Variants in DAPP1 observed in about 807,000 individuals in gnomAD.
The protein encoded by DAPP1 is dual adapter for phosphotyrosine and 3-phosphotyrosine and 3-phosphoinositide.
A neutral mutation model predicts 41.5 loss-of-function variants in DAPP1; 20 were observed. The ratio of observed to expected loss-of-function variants is 0.48; its 90% CI spans 0.34 to 0.70. The LOEUF is 0.70. Among genes scored for constraint, DAPP1 ranks in the 30% least tolerant of loss-of-function variants. The probability of loss-of-function intolerance (pLI) is 0.01; values close to 1 mark genes in which losing one functional copy is unlikely to be tolerated. For synonymous variants in DAPP1, 113 were observed against 116.2 expected (o/e 0.97, Z 0.18); for missense variants, 233 against 333.4 (o/e 0.70, Z 2.35).
chr4:99,827,532 C>CA lies in DAPP1; in HGVS notation c.102-8081dup, dbSNP rs1400029314. Among the ~76,000 whole-genome samples the CA allele has an allele frequency of 9.0e-4, 107 of 118,902 alleles. 5 individuals are homozygous for CA. Among genetic ancestry groups the CA allele is most frequent in the Middle Eastern group, 4.3e-3 (1 of 232 alleles). 78.0% of individuals were successfully genotyped at this position (118,902 alleles called of 152,430 possible). On this transcript the variant is annotated intron_variant, in intron 1 of 8. Coordinates refer to ENST00000512369, the MANE Select transcript of DAPP1 (RefSeq NM_014395.3). ...TGGGCAACAGAGTCAGACTACGTCT[C>CA]AAAAAAAAAACAACAAAAAAACAAA...
At chr4:99,861,646 T>C (rs1724240884) in intron 5 of DAPP1, 21 bp downstream of exon 5, 9 of 1,564,168 alleles carry the variant, frequency 5.8e-6, no homozygotes, top group Non-Finnish European at 4.3e-6. Context: ...GTGGTTTTGC[T>C]CATGCCAGCC....
chr4:99,827,815 G>A (rs1288388164), intron 1 of DAPP1, among the ~76,000 whole-genome samples: 3 of 152,168 alleles, frequency 2.0e-5, no homozygotes, highest in African/African-American at 4.8e-5. Flanking sequence ...TTCTTTGGGT[G>A]ATAAGGTCCC....
intron 1 of DAPP1, 68 bp downstream of exon 1, chr4:99,817,082 G>C: frequency 1.7e-6 from 2 of 1,204,638 alleles, no homozygotes; most frequent in African/African-American, 3.0e-5. Flanking sequence ...CCACCTGCAT[G>C]CTTTGATTAA....
intron 8 of DAPP1, among the ~76,000 whole-genome samples, 153 bp from the exon 9 acceptor site, chr4:99,867,964 T>G (rs962610002): frequency 6.6e-6 from 1 of 152,226 alleles, no homozygotes; most frequent in Non-Finnish European, 1.5e-5. Context: ...GGACACATGA[T>G]AATTAGCTTA....
chr4:99,861,902 A>T (rs182088819), intron 5 of DAPP1, among the ~76,000 whole-genome samples: 16 of 152,336 alleles, frequency 1.1e-4, no homozygotes, highest in Middle Eastern at 3.4e-3. Context: ...TTGAGGATGA[A>T]GATAGCAAGT....
chr4:99,849,592 C>T lies in DAPP1; in HGVS notation c.359-3626C>T, dbSNP rs1192636514. 4.6e-5 allele frequency among the ~76,000 whole-genome samples: 7 copies of T among 152,152 alleles called. No individual in the cohort carries two copies. The East Asian group carries it at 7.7e-4, about 17-fold the overall frequency. ...CAGCCCAGAGATCCTTACCCTGCAGCGCAACTGGCCCCGGTGGCTATTTCT... is the reference window on the plus strand; with the variant it reads ...CAGCCCAGAGATCCTTACCCTGCAGTGCAACTGGCCCCGGTGGCTATTTCT... On this transcript the variant is annotated intron_variant, in intron 3 of 8. Coordinates refer to ENST00000512369, the MANE Select transcript of DAPP1 (RefSeq NM_014395.3).
intron 3 of DAPP1, among the ~76,000 whole-genome samples, chr4:99,841,704 G>A (rs917376776): frequency 6.6e-6 from 1 of 152,154 alleles, no homozygotes; most frequent in Non-Finnish European, 1.5e-5. Context: ...CCATGTAGAG[G>A]AGATTTTTAA....
At chr4:99,850,755 A>G (rs1416866549) in intron 3 of DAPP1, among the ~76,000 whole-genome samples, 1 of 152,218 alleles carries the variant, frequency 6.6e-6, no homozygotes, top group Non-Finnish European at 1.5e-5. Flanking sequence ...GTCTTTTTTA[A>G]GATTTCAAAA....
intron 3 of DAPP1, among the ~76,000 whole-genome samples, chr4:99,844,969 A>G (rs1164069112): frequency 6.6e-6 from 1 of 152,238 alleles, no homozygotes; most frequent in African/African-American, 2.4e-5. Flanking sequence ...ACTTCCTTGG[A>G]TGTTTGCCAA....
At chr4:99,855,356 A>G (rs374553311) in intron 4 of DAPP1, among the ~76,000 whole-genome samples, 25 of 152,378 alleles carry the variant, frequency 1.6e-4, no homozygotes, top group African/African-American at 4.1e-4. Context: ...CGTGTTCTTT[A>G]TCGGCAATAA....
At chr4:99,819,106 C>T (rs551624249) in intron 1 of DAPP1, among the ~76,000 whole-genome samples, 2 of 152,084 alleles carry the variant, frequency 1.3e-5, no homozygotes, top group African/African-American at 2.4e-5. Flanking sequence ...CGATTAGCAA[C>T]TTTATTGAGG....
chr4:99,845,615 C>T (rs1025669945), intron 3 of DAPP1, among the ~76,000 whole-genome samples: 1 of 152,204 alleles, frequency 6.6e-6, no homozygotes, highest in Admixed American at 6.5e-5. Flanking sequence ...TTAAAGTCTA[C>T]AATAACATGT....
At chr4:99,866,829 G>A (rs1421631371) in intron 8 of DAPP1, among the ~76,000 whole-genome samples, 3 of 146,604 alleles carry the variant, frequency 2.0e-5, no homozygotes, top group Non-Finnish European at 4.5e-5. Flanking sequence ...GAGTGCAGTG[G>A]TGTGATCTTG....
intron 2 of DAPP1, among the ~76,000 whole-genome samples, chr4:99,839,153 C>T (rs909903501): frequency 4.6e-5 from 7 of 151,848 alleles, no homozygotes; most frequent in Non-Finnish European, 8.8e-5. Context: ...TAGGAATGCA[C>T]AGTCTCAGGC....
intron 1 of DAPP1, among the ~76,000 whole-genome samples, chr4:99,826,456 A>G (rs1466318265): frequency 1.3e-5 from 2 of 152,232 alleles, no homozygotes; most frequent in Non-Finnish European, 2.9e-5. Context: ...CTGATGAAAC[A>G]GAATTGAGGT....
At chr4:99,834,646 G>A (rs950825057) in intron 1 of DAPP1, among the ~76,000 whole-genome samples, 1 of 152,126 alleles carries the variant, frequency 6.6e-6, no homozygotes, top group Non-Finnish European at 1.5e-5. Context: ...AAAAAAAGAA[G>A]GAAATTGGTC....
chr4:99,847,732 C>T (rs144594017), intron 3 of DAPP1, among the ~76,000 whole-genome samples: 6 of 152,248 alleles, frequency 3.9e-5, no homozygotes, highest in African/African-American at 1.2e-4. Flanking sequence ...CCTTTCTTCC[C>T]GAGCTGAGGC....
At chr4:99,832,435 GT>G (rs1723158128) in intron 1 of DAPP1, among the ~76,000 whole-genome samples, 1 of 152,218 alleles carries the variant, frequency 6.6e-6, no homozygotes, top group Admixed American at 6.5e-5. Context: ...GGAAGTTTAG[GT>G]TTTTGTGGAA....
In DAPP1 at chr4:99,823,274, C is replaced by T. The variant is rs1722832505; in HGVS notation, c.101+6260C>T. Among the ~76,000 whole-genome samples the T allele has an allele frequency of 2.0e-5, 3 of 151,970 alleles. No homozygotes were observed. In the South Asian group the frequency reaches 6.2e-4, roughly 31 times the overall value. ...CAGTAACATTGATGCTATTTTTCTA[C>T]TTTCCAGTATATCTGAATTTATTTA... On this transcript the variant is annotated intron_variant, in intron 1 of 8. Coordinates refer to ENST00000512369, the MANE Select transcript of DAPP1 (RefSeq NM_014395.3).
Sources: gnomAD v4.1 joint callset for allele counts (sites outside exome capture counted in the v4.1 genomes callset) on GRCh38, gnomAD v4.1.1 for gene constraint, MANE v1.5 for transcripts, NCBI Gene and HGNC (gene_info 2026-07-23, HGNC 2026-07-21) for gene names.